Variants in FAM184A observed in about 807,000 individuals in gnomAD.
FAM184A encodes family with sequence similarity 184 member A.
Under a neutral mutation model 143.8 loss-of-function variants are expected in FAM184A, and 99 were observed. That is an observed-to-expected ratio of 0.69 (90% CI 0.58 to 0.81). The LOEUF (loss-of-function observed/expected upper bound fraction) is 0.81. Ranked by LOEUF, FAM184A falls within the 40% of genes least tolerant of loss-of-function variation. FAM184A has a pLI of 0.00. For missense variants in FAM184A, 1,217 were observed against 1,310.5 expected, an observed-to-expected ratio of 0.93 and a Z score of 1.10; for synonymous variants, 427 against 446.4, an observed-to-expected ratio of 0.96 and a Z score of 0.55.
intron 1 of FAM184A, among the ~76,000 whole-genome samples, chr6:119,141,398 G>A (rs1488218368): frequency 1.3e-5 from 2 of 152,258 alleles, no homozygotes; most frequent in African/African-American, 4.8e-5. Flanking sequence ...ACCAACCGGA[G>A]GGGCCTGGAT....
intron 7 of FAM184A, among the ~76,000 whole-genome samples, 176 bp from the exon 8 acceptor site, chr6:119,003,798 A>G (rs117350951): frequency 0.026 from 3,995 of 152,340 alleles, 63 homozygotes; most frequent in Middle Eastern, 0.041. Flanking sequence ...AATATGTAAA[A>G]CAAATTTTAT....
chr6:119,048,254 C>A (rs1011546857), intron 1 of FAM184A, among the ~76,000 whole-genome samples: 2 of 152,146 alleles, frequency 1.3e-5, no homozygotes, highest in Non-Finnish European at 2.9e-5. Context: ...CCATCTATGA[C>A]AAACCCACAG....
chr6:118,994,896 C>G (rs1038434343), intron 9 of FAM184A, among the ~76,000 whole-genome samples: 4 of 152,056 alleles, frequency 2.6e-5, no homozygotes, highest in African/African-American at 9.7e-5. Context: ...AAAAGCACTA[C>G]TAATGCTTTA....
At chr6:119,036,118 T>G (rs1786103379) in intron 1 of FAM184A, among the ~76,000 whole-genome samples, 1 of 152,164 alleles carries the variant, frequency 6.6e-6, no homozygotes, top group Non-Finnish European at 1.5e-5. Flanking sequence ...ACTGAAGATC[T>G]GGAGTTCAAC....
At position 119,078,413 on chromosome 6, in the gene FAM184A, G is replaced by C. The variant is rs1582595176; in HGVS notation, c.-114C>G. 21 of 1,112,508 alleles carry C rather than the reference G, an allele frequency of 1.9e-5. No individual in the cohort carries two copies. In the East Asian group the frequency reaches 6.8e-4, roughly 36 times the overall value. The allele number at this position is 1,112,508 out of a possible 1,614,324, so 68.9% of individuals were successfully genotyped here. On this transcript the variant is annotated 5_prime_UTR_variant, in exon 1 of 18. Coordinates refer to ENST00000338891, the MANE Select transcript of FAM184A (RefSeq NM_024581.6). The surrounding 1 kb of genome is among the most constrained non-coding windows in gnomAD (Gnocchi z 5.5). ...CGGCCGCTTCCCGACCCGACACCCG[G>C]CGCCCCCCAGACTCGGCCGCAGGCG...
At chr6:118,983,258 C>A (rs1232336763) in intron 9 of FAM184A, among the ~76,000 whole-genome samples, 2 of 152,068 alleles carry the variant, frequency 1.3e-5, no homozygotes, top group Non-Finnish European at 2.9e-5. Context: ...AAGTACATGG[C>A]ACTTTAAAAG....
intron 16 of FAM184A, chr6:118,963,203 C>T (rs1464778425): frequency 6.6e-6 from 1 of 151,968 alleles, no homozygotes; most frequent in Non-Finnish European, 1.5e-5. Flanking sequence ...CATAATTAAA[C>T]CTACTTAAGG....
chr6:118,973,205 T>A (rs1191511818), intron 14 of FAM184A, among the ~76,000 whole-genome samples: 1 of 152,168 alleles, frequency 6.6e-6, no homozygotes, highest in East Asian at 1.9e-4. Flanking sequence ...TGGGGACCTG[T>A]TTTCTGCTGT....
intron 1 of FAM184A, among the ~76,000 whole-genome samples, chr6:119,124,389 A>G (rs905095558): frequency 6.6e-6 from 1 of 152,192 alleles, no homozygotes; most frequent in African/African-American, 2.4e-5. Flanking sequence ...GTTATGTTGA[A>G]ACTTATAAGG....
At chr6:119,067,672 T>C (rs1582579669) in intron 1 of FAM184A, among the ~76,000 whole-genome samples, 2 of 152,290 alleles carry the variant, frequency 1.3e-5, no homozygotes, top group South Asian at 2.1e-4. Flanking sequence ...GACCAGAGGG[T>C]GTCAGGAACC....
At chr6:118,994,396 C>T (rs1169008136) in intron 9 of FAM184A, among the ~76,000 whole-genome samples, 1 of 151,740 alleles carries the variant, frequency 6.6e-6, no homozygotes, top group African/African-American at 2.4e-5. Flanking sequence ...CTTAAAAAGC[C>T]AGAGGGTTGG....
chr6:119,057,853 T>TG (rs1344263776), intron 1 of FAM184A: 1 of 151,594 alleles, frequency 6.6e-6, no homozygotes. Flanking sequence ...GTTTTTTTTT[T>TG]TTTTTACTCT....
At position 119,023,137 on chromosome 6, in the gene FAM184A, T is replaced by C. The variant is rs184279648; in HGVS notation, c.1015-57A>G. 2.5e-6 allele frequency: 4 copies of C among 1,569,182 alleles called. No homozygotes were observed. The African/African-American group carries it at 5.4e-5, about 21-fold the overall frequency. ...GCAGGAATAATACTAAGCTAAATAA[T>C]TCATTTAAATTATAAGGGTCAGCTT... On this transcript the variant is annotated intron_variant, in intron 2 of 17. Coordinates refer to ENST00000338891, the MANE Select transcript of FAM184A (RefSeq NM_024581.6).
chr6:119,004,264 G>A (rs1019705480), intron 7 of FAM184A, among the ~76,000 whole-genome samples: 5 of 152,228 alleles, frequency 3.3e-5, no homozygotes, highest in African/African-American at 9.6e-5. Context: ...CAGAGCAGCT[G>A]CTCTTGGGAC....
At chr6:119,019,056 C>G (rs1214342840) in intron 4 of FAM184A, among the ~76,000 whole-genome samples, 4 of 151,800 alleles carry the variant, frequency 2.6e-5, no homozygotes, top group African/African-American at 9.7e-5. Flanking sequence ...CTGGCCTGGA[C>G]CTAAAGATTT....
rs1784731183 is a variant in FAM184A, at chr6:119,000,809, T to C, written c.2088+2090A>G. On this transcript the variant is annotated intron_variant, in intron 9 of 17. Transcript: ENST00000338891. ...TTCCTGTCTTACTCCTTTAATATCA[T>C]GAATCCCAAGCCATGTCTGTTTCCC... is the stretch of plus-strand genomic sequence containing the variant. Among the ~76,000 whole-genome samples the C allele has an allele frequency of 3.3e-5, 5 of 152,168 alleles. No individual in the cohort carries two copies. The South Asian group carries it at 1.0e-3, about 32-fold the overall frequency.
chr6:119,029,831 T>A (rs887809907), intron 1 of FAM184A, among the ~76,000 whole-genome samples: 1 of 152,158 alleles, frequency 6.6e-6, no homozygotes, highest in African/African-American at 2.4e-5. Flanking sequence ...AAATAAAATA[T>A]TATTGGAGCA....
chr6:118,967,792 G>T (rs192876167), intron 14 of FAM184A, among the ~76,000 whole-genome samples: 2 of 152,050 alleles, frequency 1.3e-5, no homozygotes, highest in South Asian at 2.1e-4. Flanking sequence ...AGGATATAAA[G>T]GATAGAACTT....
chr6:118,969,993 A>ATAAAATAT (rs1189865476), intron 14 of FAM184A, among the ~76,000 whole-genome samples: 2,221 of 24,256 alleles, frequency 0.092, 736 homozygotes, highest in African/African-American at 0.28. Context: ...ATATATATAT[A>ATAAAATAT]ATATATATAT....
Sources: gnomAD v4.1 joint callset for allele counts (sites outside exome capture counted in the v4.1 genomes callset) on GRCh38, gnomAD v4.1.1 for gene constraint, Gnocchi (gnomAD v3.1) non-coding constraint, MANE v1.5 for transcripts, NCBI Gene and HGNC (gene_info 2026-07-23, HGNC 2026-07-21) for gene names.